CNGA1: variants seen among roughly 807,000 people sequenced by gnomAD.
CNGA1 encodes the protein cyclic nucleotide gated channel subunit alpha 1, also known as cyclic nucleotide-gated channel alpha-1.
Under a neutral mutation model 69.7 loss-of-function variants are expected in CNGA1, and 53 were observed. The observed-to-expected ratio is 0.76, with a 90% CI of 0.61 to 0.96. CNGA1 has a LOEUF of 0.96. Among genes scored for constraint, CNGA1 ranks in the 40% least tolerant of loss-of-function variants. The probability of loss-of-function intolerance (pLI) is 0.00; values close to 1 mark genes in which losing one functional copy is unlikely to be tolerated. For synonymous variants in CNGA1, 249 were observed against 283.5 expected (o/e 0.88, Z 1.22); for missense variants, 739 against 811.2 (o/e 0.91, Z 1.08).
At chr4:47,957,026 C>T (rs984753047) in intron 3 of CNGA1, among the ~76,000 whole-genome samples, 9 of 152,052 alleles carry the variant, frequency 5.9e-5, no homozygotes, top group African/African-American at 1.2e-4. Context: ...CTCTGCCTCC[C>T]GGGTTCAAGT....
chr4:47,942,012 C>A (rs1158053865), intron 9 of CNGA1, 29 bp downstream of exon 9: 319 of 1,165,304 alleles, frequency 2.7e-4, no homozygotes, highest in African/African-American at 8.1e-4. Flanking sequence ...GTGAGATCCA[C>A]AAAAAAAAAA....
chr4:47,942,226 G>T, intron 8 of CNGA1, 78 bp from the exon 9 acceptor site: 1 of 890,260 alleles, frequency 1.1e-6, no homozygotes, highest in Non-Finnish European at 1.9e-6. Flanking sequence ...ACATCGTTAT[G>T]CCCATCAACC....
intron 2 of CNGA1, among the ~76,000 whole-genome samples, chr4:47,997,708 G>A (rs1429816684): frequency 1.3e-5 from 2 of 152,106 alleles, no homozygotes; most frequent in East Asian, 1.9e-4. Context: ...ATTACAGATT[G>A]TAGTAATTTT....
intron 3 of CNGA1, among the ~76,000 whole-genome samples, chr4:47,956,921 ATTTTTATT>A (rs1180973942): frequency 6.0e-5 from 9 of 150,420 alleles, no homozygotes; most frequent in East Asian, 1.9e-4. Flanking sequence ...TTTACTGCAA[ATTTTTATT>A]TTTTTATTTT....
chr4:48,005,204 G>A lies in CNGA1; in HGVS notation c.-123+5590C>T, dbSNP rs1007053220. Reference sequence around the variant, plus strand: ...GTGATCTCAGCTCACTGCAACCTCCGCCTCCGAGGTTCAAGCAATTATCCT... The same window carrying A: ...GTGATCTCAGCTCACTGCAACCTCCACCTCCGAGGTTCAAGCAATTATCCT... On this transcript the variant is annotated intron_variant, in intron 2 of 10. Coordinates refer to ENST00000514170, the MANE Select transcript of CNGA1 (RefSeq NM_001379270.1). 5.3e-5 allele frequency among the ~76,000 whole-genome samples: 8 copies of A among 151,852 alleles called. No individual in the cohort carries two copies. The South Asian group carries it at 1.5e-3, about 28-fold the overall frequency.
intron 2 of CNGA1, among the ~76,000 whole-genome samples, chr4:47,993,355 A>G (rs1467775818): frequency 1.3e-5 from 2 of 152,150 alleles, no homozygotes; most frequent in Non-Finnish European, 2.9e-5. Context: ...TTACCATTTC[A>G]ATCTCACTGC....
intron 3 of CNGA1, among the ~76,000 whole-genome samples, chr4:47,972,621 A>G (rs1741103053): frequency 6.6e-6 from 1 of 152,220 alleles, no homozygotes; most frequent in Non-Finnish European, 1.5e-5. Context: ...GTGAAGTTAG[A>G]CAAACTCTCA....
chr4:47,939,711 G>C (rs1738950576), intron 10 of CNGA1, among the ~76,000 whole-genome samples: 1 of 152,162 alleles, frequency 6.6e-6, no homozygotes, highest in South Asian at 2.1e-4. Context: ...GAATTGCTTG[G>C]TGTGTAGAGG....
chr4:47,988,535 A>G (rs900766366), intron 2 of CNGA1, among the ~76,000 whole-genome samples: 2 of 152,168 alleles, frequency 1.3e-5, no homozygotes, highest in Non-Finnish European at 2.9e-5. Context: ...AAAAAATAAT[A>G]ATAATGAAAT....
chr4:48,013,862 G>C (rs1715267956), intron 1 of CNGA1, among the ~76,000 whole-genome samples: 1 of 152,100 alleles, frequency 6.6e-6, no homozygotes, highest in African/African-American at 2.4e-5. Context: ...CTCTTGTCTA[G>C]TCATCTTATT....
At chr4:47,958,081 AGAT>A (rs886581209) in intron 3 of CNGA1, among the ~76,000 whole-genome samples, 2 of 151,732 alleles carry the variant, frequency 1.3e-5, no homozygotes, top group African/African-American at 2.4e-5. Flanking sequence ...TTTTTAGTAG[AGAT>A]GATATTTCAC....
rs1738715052 is a variant in CNGA1, at chr4:47,937,206, T to A, written c.1276A>T (p.Met426Leu). Reference sequence around the variant, plus strand: ...AACCATTTAATAACCCTCTTTTCCATATCTTTGCTTACATTTCGAAAATGC... The same window carrying A: ...AACCATTTAATAACCCTCTTTTCCAAATCTTTGCTTACATTTCGAAAATGC... ...YMHFRNVSKD[M>L]EKRVIKWFDY... Residue 426 changes from methionine to leucine, a missense_variant, in exon 11 of 11, where the codon ATG (methionine) becomes TTG (leucine). Transcript: ENST00000514170. 2 of 1,614,202 alleles carry A rather than the reference T, an allele frequency of 1.2e-6. No individual in the cohort carries two copies. Among genetic ancestry groups the A allele is most frequent in the Non-Finnish European group, 8.5e-7 (1 of 1,180,026 alleles).
chr4:47,963,376 G>A (rs1049466215), intron 3 of CNGA1, among the ~76,000 whole-genome samples: 1 of 152,210 alleles, frequency 6.6e-6, no homozygotes, highest in African/African-American at 2.4e-5. Flanking sequence ...TGTCACTTGA[G>A]CCAACCTTCC....
In CNGA1 at chr4:47,937,063, T is replaced by C. The variant is rs1411144755; in HGVS notation, c.1419A>G (p.Val473=). 6.2e-7 allele frequency: 1 copy of C among 1,614,214 alleles called. No homozygotes were observed. Among genetic ancestry groups the C allele is most frequent in the Admixed American group, 1.7e-5 (1 of 60,012 alleles). The change falls in exon 11 of 11, where the codon GTA becomes GTG. Residue 473 remains valine (V), a synonymous_variant. Transcript: ENST00000514170. ...INVHLDTLKK[V]RIFADCEAGL... is the part of the protein sequence containing the mutation. ...CAGCTTCACAATCAGCAAAAATGCG[T>C]ACCTTTTTTAATGTGTCTAAGTGAA...
chr4:47,944,631 T>G (rs1168565517), intron 6 of CNGA1, among the ~76,000 whole-genome samples: 2 of 152,200 alleles, frequency 1.3e-5, no homozygotes, highest in African/African-American at 4.8e-5. Context: ...GAAGATAGCC[T>G]ACCAGCTAAT....
intron 3 of CNGA1, among the ~76,000 whole-genome samples, chr4:47,956,603 C>T (rs906868572): frequency 1.3e-5 from 2 of 152,112 alleles, no homozygotes; most frequent in African/African-American, 2.4e-5. Flanking sequence ...GTGTACAATT[C>T]GGTTTCTGCA....
chr4:48,012,141 T>G (rs1715192323), intron 1 of CNGA1, among the ~76,000 whole-genome samples: 2 of 152,132 alleles, frequency 1.3e-5, no homozygotes, highest in African/African-American at 4.8e-5. Flanking sequence ...CAGAGTCAAG[T>G]TGGAAAATAA....
intron 3 of CNGA1, among the ~76,000 whole-genome samples, chr4:47,980,140 C>T (rs1047608832): frequency 6.6e-6 from 1 of 152,048 alleles, no homozygotes; most frequent in African/African-American, 2.4e-5. Context: ...CACTCCCTAC[C>T]CTCTTTTATT....
intron 2 of CNGA1, among the ~76,000 whole-genome samples, chr4:47,996,126 C>CA (rs1421042848): frequency 6.6e-6 from 1 of 152,156 alleles, no homozygotes; most frequent in Non-Finnish European, 1.5e-5. Context: ...TTCCTACAGT[C>CA]ATTCTGGTGC....
Sources: allele counts gnomAD v4.1 joint callset (sites outside exome capture counted in the v4.1 genomes callset), GRCh38; gene constraint gnomAD v4.1.1; transcripts MANE v1.5; gene names NCBI Gene and HGNC (gene_info 2026-07-23, HGNC 2026-07-21).